Variants in FHIT observed in about 807,000 individuals in gnomAD.
FHIT encodes bis(5'-adenosyl)-triphosphatase.
FHIT carries 19 observed loss-of-function variants against 17.9 expected under a neutral mutation model. That is an observed-to-expected ratio of 1.06 (90% CI 0.74 to 1.56). The LOEUF is 1.56. Among genes scored for constraint, FHIT ranks in the 40% most tolerant of loss-of-function variants. FHIT has a pLI of 0.00. For synonymous variants in FHIT, 81 were observed against 69.7 expected (o/e 1.16, Z -0.81); for missense variants, 248 against 189.2 (o/e 1.31, Z -1.82).
chr3:60,340,145 A>G (rs1324561986), intron 5 of FHIT, among the ~76,000 whole-genome samples: 1 of 152,208 alleles, frequency 6.6e-6, no homozygotes, highest in Non-Finnish European at 1.5e-5. Flanking sequence ...AGGACTTATT[A>G]CAGAAACAGT....
chr3:60,632,836 T>C (rs60903409), intron 4 of FHIT, among the ~76,000 whole-genome samples: 1,672 of 152,308 alleles, frequency 0.011, 38 homozygotes, highest in African/African-American at 0.039. Flanking sequence ...ACTACCTTCT[T>C]AGACAATACA....
At chr3:59,940,301 G>C (rs1298503257) in intron 7 of FHIT, among the ~76,000 whole-genome samples, 1 of 152,056 alleles carries the variant, frequency 6.6e-6, no homozygotes, top group Non-Finnish European at 1.5e-5. Flanking sequence ...TGTGCTACTT[G>C]ACCACAACAT....
chr3:60,298,436 C>T (rs1458941718), intron 5 of FHIT, among the ~76,000 whole-genome samples: 2 of 152,106 alleles, frequency 1.3e-5, no homozygotes, highest in Non-Finnish European at 2.9e-5. Context: ...GAATTGTGCA[C>T]CCGGAACCAG....
chr3:60,794,646 G>A (rs567072777), intron 4 of FHIT, among the ~76,000 whole-genome samples: 8 of 152,226 alleles, frequency 5.3e-5, no homozygotes, highest in South Asian at 2.1e-4. Flanking sequence ...AGATACTTTC[G>A]TACTTGAGGA....
intron 8 of FHIT, among the ~76,000 whole-genome samples, chr3:59,782,316 G>A (rs552663940): frequency 1.4e-4 from 21 of 152,208 alleles, no homozygotes; most frequent in African/African-American, 4.8e-4. Context: ...TTAACTACTG[G>A]GTTGTTGTGT....
chr3:59,964,809 T>A (rs560238964), intron 7 of FHIT, among the ~76,000 whole-genome samples: 16 of 152,300 alleles, frequency 1.1e-4, no homozygotes, highest in African/African-American at 3.6e-4. Context: ...TGTGTTATTA[T>A]TTTTAAAAGC....
intron 3 of FHIT, among the ~76,000 whole-genome samples, chr3:61,013,178 G>A (rs7431422): frequency 0.089 from 13,477 of 151,966 alleles, 620 homozygotes; most frequent in East Asian, 0.17. Flanking sequence ...AAAGAAAGAA[G>A]AAAAAAAGGA....
intron 5 of FHIT, among the ~76,000 whole-genome samples, chr3:60,367,601 T>G (rs534420634): frequency 6.6e-6 from 1 of 152,244 alleles, no homozygotes; most frequent in Non-Finnish European, 1.5e-5. Flanking sequence ...TGCCTTGATT[T>G]ATTATGCAAA....
intron 5 of FHIT, chr3:60,535,953 T>A (rs2107597593): frequency 6.6e-6 from 1 of 152,302 alleles, no homozygotes; most frequent in Middle Eastern, 3.4e-3. Flanking sequence ...CATTCAGAAT[T>A]ACTAAGAAAT....
rs77519655 is a variant in FHIT at position 59,872,910 on chromosome 3, T to A, written c.348+49436A>T. 8.0e-3 allele frequency among the ~76,000 whole-genome samples: 1,220 copies of A among 152,276 alleles called. 11 individuals are homozygous for A. Among genetic ancestry groups the A allele is most frequent in the African/African-American group, 0.027 (1,141 of 41,548 alleles). On this transcript the variant is annotated intron_variant, in intron 8 of 9. Transcript: ENST00000492590. Reference sequence around the variant, plus strand: ...GCTCAGTAGGTACAAAGTTGACATATCAATTTTCCCATGAAAAGAGATCTT... The same window carrying A: ...GCTCAGTAGGTACAAAGTTGACATAACAATTTTCCCATGAAAAGAGATCTT...
chr3:60,879,759 T>C (rs1359538067), intron 3 of FHIT, among the ~76,000 whole-genome samples: 2 of 151,206 alleles, frequency 1.3e-5, no homozygotes, highest in Non-Finnish European at 3.0e-5. Flanking sequence ...AAAAATACAA[T>C]AGGCAGCTTC....
intron 5 of FHIT, among the ~76,000 whole-genome samples, chr3:60,529,782 T>C (rs2035704857): frequency 6.6e-6 from 1 of 152,186 alleles, no homozygotes; most frequent in Admixed American, 6.5e-5. Flanking sequence ...AGGATACCCA[T>C]GATAGCAACA....
intron 3 of FHIT, among the ~76,000 whole-genome samples, chr3:60,999,974 A>G (rs1165180583): frequency 6.6e-6 from 1 of 152,080 alleles, no homozygotes; most frequent in African/African-American, 2.4e-5. Flanking sequence ...CCTCTTTTGT[A>G]TAGGCACTAA....
chr3:60,655,326 C>T (rs1419406975), intron 4 of FHIT, among the ~76,000 whole-genome samples: 13 of 152,088 alleles, frequency 8.5e-5, no homozygotes, highest in African/African-American at 3.1e-4. Flanking sequence ...TCATAAAAAA[C>T]AATTCCAAAT....
intron 2 of FHIT, among the ~76,000 whole-genome samples, chr3:61,112,412 T>C (rs569166040): frequency 4.6e-5 from 7 of 152,132 alleles, no homozygotes; most frequent in Non-Finnish European, 7.4e-5. Context: ...CCCAGCTGTA[T>C]TGTCATAACC....
intron 4 of FHIT, among the ~76,000 whole-genome samples, chr3:60,618,724 C>T (rs1230131908): frequency 2.6e-5 from 4 of 152,072 alleles, no homozygotes; most frequent in East Asian, 1.9e-4. Context: ...AAGTTAAGGG[C>T]CTTGAGATGA....
chr3:60,575,889 C>A (rs1374722100), intron 4 of FHIT, among the ~76,000 whole-genome samples: 2 of 152,094 alleles, frequency 1.3e-5, no homozygotes, highest in Non-Finnish European at 2.9e-5. Flanking sequence ...GCTGAAAGGA[C>A]AAGGGCAAAA....
At chr3:60,480,743 G>A (rs989135362) in intron 5 of FHIT, among the ~76,000 whole-genome samples, 12 of 152,152 alleles carry the variant, frequency 7.9e-5, no homozygotes, top group African/African-American at 2.9e-4. Context: ...GGGATCCCAG[G>A]GCCTTGGGCA....
chr3:60,791,151 C>G (rs1447080576), intron 4 of FHIT, among the ~76,000 whole-genome samples: 1 of 152,060 alleles, frequency 6.6e-6, no homozygotes, highest in East Asian at 1.9e-4. Flanking sequence ...GAAGAAAAGA[C>G]TGCTCAAGCT....
Sources: allele counts gnomAD v4.1 joint callset (sites outside exome capture counted in the v4.1 genomes callset), GRCh38; gene constraint gnomAD v4.1.1; transcripts MANE v1.5; gene names NCBI Gene and HGNC (gene_info 2026-07-23, HGNC 2026-07-21).